The following RBM20 variants were observed in gnomAD, a reference collection of about 807,000 sequenced individuals.
The protein encoded by RBM20 is RNA-binding protein 20.
A neutral mutation model predicts 110.1 loss-of-function variants in RBM20; 51 were observed. The observed-to-expected ratio is 0.46, with a 90% CI of 0.37 to 0.59. The LOEUF is 0.59. Among genes scored for constraint, RBM20 ranks in the 20% least tolerant of loss-of-function variants. RBM20 has a pLI of 0.00. For synonymous variants in RBM20, 589 were observed against 618.2 expected, an observed-to-expected ratio of 0.95 and a Z score of 0.70; for missense variants, 1,512 against 1,574.9, an observed-to-expected ratio of 0.96 and a Z score of 0.68.
intron 1 of RBM20, among the ~76,000 whole-genome samples, chr10:110,710,452 C>A (rs1043050131): frequency 3.9e-5 from 6 of 152,206 alleles, no homozygotes; most frequent in African/African-American, 1.4e-4. Context: ...CATGGTGCCT[C>A]CGGTTCTCAG....
chr10:110,688,542 T>A (rs1247368002), intron 1 of RBM20, among the ~76,000 whole-genome samples: 1 of 152,236 alleles, frequency 6.6e-6, no homozygotes, highest in Non-Finnish European at 1.5e-5. Context: ...GTATGATTTT[T>A]ATCTGAAAAG....
At chr10:110,650,410 G>C (rs754779145) in intron 1 of RBM20, among the ~76,000 whole-genome samples, 19 of 152,192 alleles carry the variant, frequency 1.2e-4, no homozygotes, top group Non-Finnish European at 2.1e-4. Context: ...GGCAAAAAGG[G>C]AGCAGTTAAG....
Position 110,799,840 on chromosome 10 carries a change from T to A in RBM20, c.1722T>A (p.Tyr574Ter). The A allele has an allele frequency of 6.4e-7, 1 of 1,551,878 alleles. No homozygotes were observed. The highest frequency in any genetic ancestry group is 8.7e-7 in the Non-Finnish European group (1 of 1,146,950). ...CTGCACAGGCCATGGTCCAGTATTA[T>A]CAAGAAAAATCTGCTGTGATCAATG... ...TEAAQAMVQY[Y>*]QEKSAVINGE... The change falls in exon 7 of 14, where the codon TAT (tyrosine) becomes TAA (stop). Residue 574 changes from tyrosine to a stop codon, truncating the protein, a stop_gained. Transcript: ENST00000369519. LOFTEE classifies it high-confidence loss of function.
rs1844599241 is a variant in RBM20, at chr10:110,799,846, A to C, written c.1728A>C (p.Glu576Asp). ...AAQAMVQYYQ[E>D]KSAVINGEKL... ...AGGCCATGGTCCAGTATTATCAAGA[A>C]AAATCTGCTGTGATCAATGGTGAGA... is the stretch of plus-strand genomic sequence containing the variant. The change falls in exon 7 of 14, where the codon GAA becomes GAC. Residue 576 changes from glutamate to aspartate, a missense_variant. Around this residue, in one of 3 missense-constraint regions of RBM20, gnomAD observed 1,149 missense variants for 1,169.4 expected, o/e 0.98. Transcript: ENST00000369519. The C allele has an allele frequency of 1.9e-6, 3 of 1,552,024 alleles. No homozygotes were observed. Among genetic ancestry groups the C allele is most frequent in the Non-Finnish European group, 2.6e-6 (3 of 1,146,996 alleles).
Position 110,688,010 on chromosome 10 carries a change from T to C in RBM20, c.191+43365T>C, listed in dbSNP as rs914662891. Among the ~76,000 whole-genome samples, 553 of 129,800 alleles carry C rather than the reference T, an allele frequency of 4.3e-3. 4 individuals are homozygous for C. The highest frequency in any genetic ancestry group is 0.014 in the African/African-American group (516 of 36,816). 85.2% of individuals were successfully genotyped at this position (129,800 alleles called of 152,430 possible). On this transcript the variant is annotated intron_variant, in intron 1 of 13. Coordinates refer to ENST00000369519, the MANE Select transcript of RBM20 (RefSeq NM_001134363.3). Reference sequence around the variant, plus strand: ...CTAAATGGTTTTGTGTGTGTGTGTGTGTGTGTGTGTGTGTGTGTGTGTGTG... The same window carrying C: ...CTAAATGGTTTTGTGTGTGTGTGTGCGTGTGTGTGTGTGTGTGTGTGTGTG...
At position 110,659,746 on chromosome 10, in the gene RBM20, CTCT is replaced by C. The variant is rs202213015; in HGVS notation, c.191+15110_191+15112del. ...TTTTCTTTTCTTTCCTTTCCTCTTC[CTCT>C]TCTTCTTCCTCTTCCTCTTCTTCCT... On this transcript the variant is annotated intron_variant, in intron 1 of 13. Transcript: ENST00000369519. Among the ~76,000 whole-genome samples, 1,197 of 151,344 alleles carry C rather than the reference CTCT, an allele frequency of 7.9e-3. 15 individuals are homozygous for C. Among genetic ancestry groups the C allele is most frequent in the Non-Finnish European group, 0.012 (832 of 67,830 alleles).
intron 1 of RBM20, among the ~76,000 whole-genome samples, chr10:110,695,958 T>C (rs988919808): frequency 6.6e-6 from 1 of 152,178 alleles, no homozygotes; most frequent in Non-Finnish European, 1.5e-5. Flanking sequence ...TTCCTAATAG[T>C]GGTCTTGCCT....
Position 110,796,344 on chromosome 10 carries a change from G to T in RBM20, c.1528-1164G>T, listed in dbSNP as rs546205437. Among the ~76,000 whole-genome samples, 13 of 152,264 alleles carry T rather than the reference G, an allele frequency of 8.5e-5. No homozygotes were observed. The South Asian group carries it at 1.7e-3, about 19-fold the overall frequency. On this transcript the variant is annotated intron_variant, in intron 5 of 13. Transcript: ENST00000369519. ...GTAGAGACCAGTATAATTAATCCTTGTATACCCATCACCCAATTCCAATAA... is the reference window on the plus strand; with the variant it reads ...GTAGAGACCAGTATAATTAATCCTTTTATACCCATCACCCAATTCCAATAA...
intron 8 of RBM20, among the ~76,000 whole-genome samples, chr10:110,811,914 A>AC (rs970148376): frequency 1.3e-5 from 2 of 151,784 alleles, no homozygotes; most frequent in African/African-American, 4.8e-5. Flanking sequence ...CCCAGCGCCC[A>AC]CCCCGCACAC....
rs140330844 is a variant in RBM20 at position 110,723,166 on chromosome 10, T to C, written c.192-57635T>C. Among the ~76,000 whole-genome samples the C allele has an allele frequency of 2.8e-3, 426 of 151,892 alleles. 6 individuals carry two copies. Among genetic ancestry groups the C allele is most frequent in the African/African-American group, 9.5e-3 (393 of 41,428 alleles). ...ACCCTATAAGGTAGGAGGTGGGTAC[T>C]GTTTTGTTAATAACAGCTTTGATGA... On this transcript the variant is annotated intron_variant, in intron 1 of 13. Transcript: ENST00000369519.
At chr10:110,680,445 G>A (rs1862406628) in intron 1 of RBM20, among the ~76,000 whole-genome samples, 1 of 152,190 alleles carries the variant, frequency 6.6e-6, no homozygotes, top group African/African-American at 2.4e-5. Flanking sequence ...CAAAGCTGGG[G>A]GAGGAGGAGC....
intron 1 of RBM20, among the ~76,000 whole-genome samples, chr10:110,655,211 C>A (rs965910688): frequency 6.6e-6 from 1 of 152,096 alleles, no homozygotes; most frequent in Non-Finnish European, 1.5e-5. Flanking sequence ...GAAAGTAGGT[C>A]AAATTTAAGA....
chr10:110,783,944 T>C (rs983778344), intron 3 of RBM20, among the ~76,000 whole-genome samples: 8 of 152,208 alleles, frequency 5.3e-5, no homozygotes, highest in Non-Finnish European at 1.2e-4. Context: ...CTGCCTTCTG[T>C]CTCTACGGAT....
At chr10:110,686,090 C>T (rs1004888900) in intron 1 of RBM20, among the ~76,000 whole-genome samples, 8 of 152,266 alleles carry the variant, frequency 5.3e-5, no homozygotes, top group Non-Finnish European at 8.8e-5. Flanking sequence ...ACGGACCTTA[C>T]TTTTCTCATC....
intron 1 of RBM20, among the ~76,000 whole-genome samples, chr10:110,706,902 A>T (rs1454324405): frequency 6.6e-6 from 1 of 152,150 alleles, no homozygotes; most frequent in Non-Finnish European, 1.5e-5. Flanking sequence ...AGTAAGAAGG[A>T]ATTCTCGGTA....
chr10:110,679,621 C>T (rs867112310), intron 1 of RBM20, among the ~76,000 whole-genome samples: 1 of 152,180 alleles, frequency 6.6e-6, no homozygotes. Flanking sequence ...TGGTGTCTGC[C>T]TCATGGGGTT....
At chr10:110,778,340 C>G in intron 1 of RBM20, among the ~76,000 whole-genome samples, 1 of 152,238 alleles carries the variant, frequency 6.6e-6, no homozygotes, top group East Asian at 1.9e-4. Context: ...GGCATTTTAT[C>G]TGGCTCTCAA....
chr10:110,659,761 TTCC>T (rs1045883429), intron 1 of RBM20, among the ~76,000 whole-genome samples: 5 of 151,526 alleles, frequency 3.3e-5, no homozygotes, highest in Non-Finnish European at 7.4e-5. Flanking sequence ...CTTCTTCCTC[TTCC>T]TCTTCTTCCT....
intron 1 of RBM20, among the ~76,000 whole-genome samples, chr10:110,749,928 G>A (rs1674536313): frequency 6.6e-6 from 1 of 152,088 alleles, no homozygotes; most frequent in Admixed American, 6.6e-5. Context: ...TGACCTGAGA[G>A]GTTAAAAAGA....
Sources: gnomAD v4.1 joint callset for allele counts (sites outside exome capture counted in the v4.1 genomes callset) on GRCh38, gnomAD v4.1.1 for gene constraint, gnomAD v4.1.1 regional missense constraint, MANE v1.5 for transcripts, NCBI Gene and HGNC (gene_info 2026-07-23, HGNC 2026-07-21) for gene names.